ARID4B: variants seen among roughly 807,000 people sequenced by gnomAD.
The protein encoded by ARID4B is AT-rich interactive domain-containing protein 4B.
In ARID4B, 26 loss-of-function variants were observed where a neutral mutation model predicts 147.5. The ratio of observed to expected loss-of-function variants is 0.18; its 90% CI spans 0.13 to 0.24. The LOEUF (loss-of-function observed/expected upper bound fraction) is 0.24, where lower values mean the gene tolerates loss of function less well. Ranked by LOEUF, ARID4B falls within the 10% of genes least tolerant of loss-of-function variation. The pLI is 1.00. For synonymous variants in ARID4B, 512 were observed against 507.9 expected, an observed-to-expected ratio of 1.01 and a Z score of -0.11; for missense variants, 1,179 against 1,511.5, an observed-to-expected ratio of 0.78 and a Z score of 3.65.
At chr1:235,259,908 G>T (rs1464849901) in intron 3 of ARID4B, among the ~76,000 whole-genome samples, 1 of 152,168 alleles carries the variant, frequency 6.6e-6, no homozygotes, top group Non-Finnish European at 1.5e-5. Flanking sequence ...ATTCCTTGAG[G>T]ACAGATCAGG....
chr1:235,173,767 AAAAAATATATATATATATATATATATAT>A (rs1663589391), intron 22 of ARID4B, among the ~76,000 whole-genome samples: 2 of 46,266 alleles, frequency 4.3e-5, no homozygotes, highest in South Asian at 9.1e-4. Flanking sequence ...AAAAAAAAAA[AAAAAATATATATATATATATATATATAT>A]ATATATATAT....
rs1165216548 is a variant in ARID4B at position 235,182,561 on chromosome 1, T to C, written c.2358A>G (p.Ile786Met). 1.2e-6 allele frequency: 2 copies of C among 1,612,472 alleles called. 1 individual carries two copies. Among genetic ancestry groups the C allele is most frequent in the South Asian group, 2.2e-5 (2 of 90,638 alleles). ...AATCAGTATCTTCGGATAATACTTCTATATCTTTCCTTAATCTTTCTGGAG... is the reference window on the plus strand; with the variant it reads ...AATCAGTATCTTCGGATAATACTTCCATATCTTTCCTTAATCTTTCTGGAG... ...SKSPERLRKD[I>M]EVLSEDTDYE... is the part of the protein sequence containing the mutation. The change falls in exon 20 of 24, where the codon ATA becomes ATG. Residue 786 changes from isoleucine (I) to methionine (M), a missense_variant. This residue lies in a region of ARID4B where 321 missense variants were observed against 342.4 expected (regional missense o/e 0.94). Coordinates refer to ENST00000264183, the MANE Select transcript of ARID4B (RefSeq NM_016374.6).
At chr1:235,263,302 C>T (rs908971560) in intron 2 of ARID4B, among the ~76,000 whole-genome samples, 1 of 152,154 alleles carries the variant, frequency 6.6e-6, no homozygotes, top group Non-Finnish European at 1.5e-5. Flanking sequence ...GGAATTGATA[C>T]ACTTTTAAAT....
intron 6 of ARID4B, among the ~76,000 whole-genome samples, chr1:235,249,429 C>T (rs1326907207): frequency 6.6e-6 from 1 of 152,156 alleles, no homozygotes; most frequent in Admixed American, 6.5e-5. Context: ...AACTGTCCTA[C>T]AGATGTTAGG....
chr1:235,192,380 G>A lies in ARID4B; in HGVS notation c.2125+1633C>T, dbSNP rs187381079. Among the ~76,000 whole-genome samples the A allele has an allele frequency of 4.3e-3, 651 of 152,270 alleles. 3 individuals are homozygous for A. The highest frequency in any genetic ancestry group is 0.01 in the Middle Eastern group (3 of 294). On this transcript the variant is annotated intron_variant, in intron 19 of 23. Transcript: ENST00000264183. ...TAAATAGTATTTGATTGCTACTGTG[G>A]AGACATACTAGTATCCATATTATTA...
At chr1:235,202,145 A>T (rs1242915419) in intron 17 of ARID4B, among the ~76,000 whole-genome samples, 1 of 151,856 alleles carries the variant, frequency 6.6e-6, no homozygotes, top group Non-Finnish European at 1.5e-5. Flanking sequence ...AATAACAGGA[A>T]ATAAATTAAT....
intron 17 of ARID4B, among the ~76,000 whole-genome samples, chr1:235,211,326 C>T (rs929350257): frequency 2.0e-5 from 3 of 151,794 alleles, no homozygotes; most frequent in Admixed American, 6.6e-5. Flanking sequence ...AGTGAAACTC[C>T]GTGGAAGGAA....
chr1:235,242,561 CTCTAT>C (rs1045055554), intron 7 of ARID4B, among the ~76,000 whole-genome samples: 2 of 152,154 alleles, frequency 1.3e-5, no homozygotes, highest in African/African-American at 4.8e-5. Context: ...TTTATGAACA[CTCTAT>C]TATCAGTAGC....
intron 14 of ARID4B, among the ~76,000 whole-genome samples, chr1:235,220,891 T>G (rs77418599): frequency 2.4e-5 from 1 of 42,360 alleles, no homozygotes; most frequent in East Asian, 4.0e-4. Context: ...CCTTTTTTTG[T>G]TTTTTTTTGT....
At chr1:235,304,721 G>C (rs563385172) in intron 2 of ARID4B, among the ~76,000 whole-genome samples, 1 of 152,274 alleles carries the variant, frequency 6.6e-6, no homozygotes, top group South Asian at 2.1e-4. Context: ...ATCAAACCCA[G>C]TGGTTACCTT....
At chr1:235,278,944 G>A (rs1053774818) in intron 2 of ARID4B, among the ~76,000 whole-genome samples, 7 of 152,114 alleles carry the variant, frequency 4.6e-5, no homozygotes, top group African/African-American at 1.7e-4. Flanking sequence ...TTTTGAGACA[G>A]GGTCTCACTC....
chr1:235,251,850 T>C (rs572851807), intron 6 of ARID4B, among the ~76,000 whole-genome samples: 8 of 152,242 alleles, frequency 5.3e-5, no homozygotes, highest in Non-Finnish European at 1.2e-4. Flanking sequence ...AAATTCTGAA[T>C]TGCAAGCGAG....
intron 9 of ARID4B, among the ~76,000 whole-genome samples, chr1:235,232,600 G>A (rs1247689373): frequency 6.6e-6 from 1 of 151,132 alleles, no homozygotes; most frequent in Non-Finnish European, 1.5e-5. Context: ...CGAGCGTGGT[G>A]GCACACACCT....
intron 2 of ARID4B, among the ~76,000 whole-genome samples, chr1:235,262,907 T>C (rs747803266): frequency 6.6e-6 from 1 of 152,234 alleles, no homozygotes; most frequent in Non-Finnish European, 1.5e-5. Context: ...AAAATGTACA[T>C]CAATTCATCA....
intron 2 of ARID4B, among the ~76,000 whole-genome samples, chr1:235,298,644 T>G (rs1356781614): frequency 2.0e-5 from 3 of 151,364 alleles, no homozygotes; most frequent in South Asian, 4.1e-4. Flanking sequence ...ATAAAGTCAC[T>G]GTGCCTATCC....
intron 16 of ARID4B, among the ~76,000 whole-genome samples, chr1:235,218,206 G>C (rs1441544771): frequency 2.0e-5 from 3 of 151,972 alleles, no homozygotes; most frequent in Non-Finnish European, 4.4e-5. Flanking sequence ...TACCAAACTA[G>C]GGCAGTCACA....
intron 6 of ARID4B, among the ~76,000 whole-genome samples, chr1:235,250,302 G>GACT (rs1227388303): frequency 6.6e-5 from 10 of 151,848 alleles, no homozygotes; most frequent in Non-Finnish European, 8.8e-5. Flanking sequence ...CAATGTTATG[G>GACT]ACTACTACTA....
chr1:235,219,101 T>G (rs1258248994), intron 16 of ARID4B, among the ~76,000 whole-genome samples: 1 of 152,154 alleles, frequency 6.6e-6, no homozygotes, highest in South Asian at 2.1e-4. Flanking sequence ...CGACATCAAG[T>G]GATCTGCCCG....
intron 19 of ARID4B, among the ~76,000 whole-genome samples, chr1:235,191,251 TA>T (rs68158721): frequency 0.46 from 68,668 of 149,586 alleles, 16,070 homozygotes; most frequent in South Asian, 0.6. Context: ...ATATTCTTTT[TA>T]TTTTATTTTT....
Sources: allele counts gnomAD v4.1 joint callset (sites outside exome capture counted in the v4.1 genomes callset), GRCh38; gene constraint gnomAD v4.1.1; regional missense constraint gnomAD v4.1.1; transcripts MANE v1.5; gene names NCBI Gene and HGNC (gene_info 2026-07-23, HGNC 2026-07-21).